DLGAP2: variants seen among roughly 807,000 people sequenced by gnomAD.
The protein encoded by DLGAP2 is disks large-associated protein 2.
In DLGAP2, 26 loss-of-function variants were observed where a neutral mutation model predicts 100.3. That is an observed-to-expected ratio of 0.26 (90% confidence interval 0.19 to 0.36). DLGAP2 has a LOEUF of 0.36. DLGAP2 is among the 10% of genes least tolerant of loss of function. The pLI is 1.00. For synonymous variants in DLGAP2, 886 were observed against 630.1 expected, an observed-to-expected ratio of 1.41 and a Z score of -6.08; for missense variants, 1,858 against 1,453.2, an observed-to-expected ratio of 1.28 and a Z score of -4.53.
chr8:1,161,119 G>C (rs1796880364), intron 2 of DLGAP2, among the ~76,000 whole-genome samples: 1 of 152,180 alleles, frequency 6.6e-6, no homozygotes, highest in Non-Finnish European at 1.5e-5. Context: ...TAAATTATCA[G>C]CAGTGAGGAA....
intron 3 of DLGAP2, among the ~76,000 whole-genome samples, chr8:1,440,139 G>A (rs1472370997): frequency 2.0e-5 from 3 of 151,726 alleles, no homozygotes; most frequent in Non-Finnish European, 4.4e-5. Flanking sequence ...ATTTTAAGAA[G>A]AAAAAAAGGA....
At chr8:1,322,946 G>A (rs1362164148) in intron 3 of DLGAP2, among the ~76,000 whole-genome samples, 3 of 151,958 alleles carry the variant, frequency 2.0e-5, no homozygotes, top group African/African-American at 7.3e-5. Flanking sequence ...CTCCTTGTAA[G>A]TTGTCTTATT....
At chr8:1,044,174 G>A (rs1326703615) in intron 2 of DLGAP2, among the ~76,000 whole-genome samples, 1 of 152,094 alleles carries the variant, frequency 6.6e-6, no homozygotes, top group East Asian at 1.9e-4. Flanking sequence ...ACAGACTAGG[G>A]GCCCAATAAA....
intron 3 of DLGAP2, among the ~76,000 whole-genome samples, chr8:1,441,005 T>C (rs980237213): frequency 2.0e-5 from 3 of 152,140 alleles, no homozygotes; most frequent in Non-Finnish European, 4.4e-5. Context: ...AGCCAAATGG[T>C]AGGGGCATAC....
At chr8:1,582,142 C>T (rs1386606636) in intron 6 of DLGAP2, among the ~76,000 whole-genome samples, 1 of 147,372 alleles carries the variant, frequency 6.8e-6, no homozygotes, top group Non-Finnish European at 1.5e-5. Context: ...GATAAAACCC[C>T]ACACATGTAC....
At chr8:802,785 C>G (rs1796197355) in intron 1 of DLGAP2, among the ~76,000 whole-genome samples, 1 of 152,144 alleles carries the variant, frequency 6.6e-6, no homozygotes, top group South Asian at 2.1e-4. Flanking sequence ...CTCTTCAGGT[C>G]CCAAGTACCC....
intron 3 of DLGAP2, among the ~76,000 whole-genome samples, chr8:1,367,480 G>A (rs532687411): frequency 1.3e-5 from 2 of 152,338 alleles, no homozygotes; most frequent in East Asian, 3.9e-4. Flanking sequence ...AGCCCAGCAC[G>A]TGCCTGTGGA....
At chr8:1,463,239 A>G (rs932355103) in intron 3 of DLGAP2, among the ~76,000 whole-genome samples, 7 of 152,224 alleles carry the variant, frequency 4.6e-5, no homozygotes, top group Non-Finnish European at 8.8e-5. Context: ...ACAGGGCAAG[A>G]ATCTGTCTCA....
intron 3 of DLGAP2, among the ~76,000 whole-genome samples, chr8:1,330,069 G>C (rs73670758): frequency 0.027 from 4,149 of 152,318 alleles, 203 homozygotes; most frequent in African/African-American, 0.095. Flanking sequence ...TTTGTGGTGG[G>C]TCACAGTCCC....
chr8:1,191,334 C>G (rs1326368763), intron 2 of DLGAP2, among the ~76,000 whole-genome samples: 2 of 152,006 alleles, frequency 1.3e-5, no homozygotes, highest in African/African-American at 2.4e-5. Context: ...CCACGCCCGG[C>G]TAATTTTTTG....
chr8:1,152,234 C>T (rs142332547), intron 2 of DLGAP2, among the ~76,000 whole-genome samples: 76 of 152,282 alleles, frequency 5.0e-4, no homozygotes, highest in African/African-American at 1.6e-3. Flanking sequence ...ATTGTTGATA[C>T]TAATACTTTG....
At chr8:1,046,948 T>C (rs904754909) in intron 2 of DLGAP2, among the ~76,000 whole-genome samples, 22 of 94,592 alleles carry the variant, frequency 2.3e-4, no homozygotes, top group African/African-American at 7.2e-4. Flanking sequence ...TTTGTTGTTT[T>C]ATTAAAATAA....
intron 8 of DLGAP2, among the ~76,000 whole-genome samples, chr8:1,665,241 T>A (rs1451064044): frequency 6.6e-6 from 1 of 152,232 alleles, no homozygotes; most frequent in East Asian, 1.9e-4. Flanking sequence ...TTTACTTAAA[T>A]ACACTTAGTG....
chr8:985,799 G>A (rs1168737708), intron 2 of DLGAP2, among the ~76,000 whole-genome samples: 1 of 152,208 alleles, frequency 6.6e-6, no homozygotes, highest in Non-Finnish European at 1.5e-5. Context: ...AGATGTGAGA[G>A]TGAGGGATGT....
At chr8:815,142 G>A (rs1796453115) in intron 1 of DLGAP2, among the ~76,000 whole-genome samples, 1 of 152,204 alleles carries the variant, frequency 6.6e-6, no homozygotes, top group African/African-American at 2.4e-5. Context: ...CTTGAGACTG[G>A]TTTCTTTATA....
intron 8 of DLGAP2, among the ~76,000 whole-genome samples, chr8:1,667,894 G>T (rs1563051730): frequency 6.7e-6 from 1 of 150,194 alleles, no homozygotes; most frequent in Non-Finnish European, 1.5e-5. Flanking sequence ...TTTAAATGAT[G>T]CCATGCCTGT....
intron 3 of DLGAP2, among the ~76,000 whole-genome samples, chr8:1,447,417 T>C (rs1798011491): frequency 6.6e-6 from 1 of 152,260 alleles, no homozygotes. Context: ...GAACCATCCT[T>C]GCATCCCAGG....
intron 4 of DLGAP2, among the ~76,000 whole-genome samples, chr8:1,528,558 G>A (rs528914764): frequency 4.0e-4 from 61 of 152,330 alleles, no homozygotes; most frequent in African/African-American, 1.4e-3. Flanking sequence ...GCTGGCCTGC[G>A]ATACCCCAGG....
At chr8:1,100,501 G>C (rs1450129743) in intron 2 of DLGAP2, among the ~76,000 whole-genome samples, 2 of 142,448 alleles carry the variant, frequency 1.4e-5, no homozygotes, top group Non-Finnish European at 3.2e-5. Context: ...ATGTATTAGA[G>C]TTTGTGGTGT....
Sources: gnomAD v4.1 joint callset for allele counts (sites outside exome capture counted in the v4.1 genomes callset) on GRCh38, gnomAD v4.1.1 for gene constraint, MANE v1.5 for transcripts, NCBI Gene and HGNC (gene_info 2026-07-23, HGNC 2026-07-21) for gene names.